SH2D2A: variants seen among roughly 807,000 people sequenced by gnomAD.
SH2D2A encodes SH2 domain-containing protein 2A.
A neutral mutation model predicts 43.6 loss-of-function variants in SH2D2A; 33 were observed. The observed-to-expected ratio is 0.76, with a 90% CI of 0.57 to 1.01. The LOEUF (loss-of-function observed/expected upper bound fraction) is 1.01, where lower values mean the gene tolerates loss of function less well. Among genes scored for constraint, SH2D2A ranks in the 50% least tolerant of loss-of-function variants. SH2D2A has a pLI of 0.00. For missense variants in SH2D2A, 491 were observed against 503.1 expected (o/e 0.98, Z 0.23); for synonymous variants, 212 against 206.1 (o/e 1.03, Z -0.25).
In SH2D2A at chr1:156,807,101, G is replaced by A. The variant is rs530344925; in HGVS notation, c.*3+74C>T. ...ATGGTTTATTCCATCCACATTTCTT[G>A]AGAAGTGTGCCAGGTGTGTGTGAAG... is the stretch of plus-strand genomic sequence containing the variant. On this transcript the variant is annotated intron_variant, in intron 8 of 8. Coordinates refer to ENST00000368199, the MANE Select transcript of SH2D2A (RefSeq NM_003975.4). This position sits in a 1 kb window ranked among gnomAD's most constrained non-coding sequence, Gnocchi z 5.1. 41 of 1,315,354 alleles carry A rather than the reference G, an allele frequency of 3.1e-5. No homozygotes were observed. The African/African-American group carries it at 4.9e-4, about 16-fold the overall frequency. 81.5% of individuals were successfully genotyped at this position (1,315,354 alleles called of 1,614,324 possible).
chr1:156,806,879 C>T (rs970762173), intron 8 of SH2D2A, among the ~76,000 whole-genome samples: 1 of 152,170 alleles, frequency 6.6e-6, no homozygotes, highest in Non-Finnish European at 1.5e-5. Flanking sequence ...CTCATCCTCC[C>T]GCTCTTACCC....
intron 2 of SH2D2A, chr1:156,815,487 T>C (rs1653811072): frequency 3.4e-6 from 2 of 592,516 alleles, no homozygotes; most frequent in African/African-American, 1.9e-5. Flanking sequence ...CACTGTGCTC[T>C]AGGAGGGGCG....
rs1653058785 is a variant in SH2D2A at position 156,807,554 on chromosome 1, C to A, written c.1003-209G>T. Reference sequence around the variant, plus strand: ...TGCTTTGGAAACAGATGGGTAAGTCCCAGCCCCTCCCTTCAGGGAACTCAC... The same window carrying A: ...TGCTTTGGAAACAGATGGGTAAGTCACAGCCCCTCCCTTCAGGGAACTCAC... On this transcript the variant is annotated intron_variant, in intron 7 of 8. Coordinates refer to ENST00000368199, the MANE Select transcript of SH2D2A (RefSeq NM_003975.4). This position sits in a 1 kb window ranked among gnomAD's most constrained non-coding sequence, Gnocchi z 5.1. Among the ~76,000 whole-genome samples, 1 of 152,146 alleles carries A rather than the reference C, an allele frequency of 6.6e-6. No individual in the cohort carries two copies. Among genetic ancestry groups the A allele is most frequent in the Non-Finnish European group, 1.5e-5 (1 of 68,040 alleles).
At position 156,807,045 on chromosome 1, in the gene SH2D2A, T is replaced by C. The variant is rs1653017039; in HGVS notation, c.*3+130A>G. 5 of 859,264 alleles carry C rather than the reference T, an allele frequency of 5.8e-6. No homozygotes were observed. The highest frequency in any genetic ancestry group is 3.1e-5 in the South Asian group (2 of 64,630). 53.2% of individuals were successfully genotyped at this position (859,264 alleles called of 1,614,324 possible). On this transcript the variant is annotated intron_variant, in intron 8 of 8. Coordinates refer to ENST00000368199, the MANE Select transcript of SH2D2A (RefSeq NM_003975.4). The surrounding 1 kb of genome is among the most constrained non-coding windows in gnomAD (Gnocchi z 5.1). ...TCTTTGCCATCCTTGCAATAGATGA[T>C]GGCTGAGCTCCTTTCCAGCTTTGAA...
Position 156,814,258 on chromosome 1 carries a change from C to G in SH2D2A, c.345G>C (p.Gly115=), listed in dbSNP as rs1239432872. 2 of 1,613,886 alleles carry G rather than the reference C, an allele frequency of 1.2e-6. No homozygotes were observed. Among genetic ancestry groups the G allele is most frequent in the Non-Finnish European group, 8.5e-7 (1 of 1,180,004 alleles). Residue 115 remains glycine, a synonymous_variant, in exon 4 of 9, where the codon GGG becomes GGC. Transcript: ENST00000368199. Reference sequence around the variant, plus strand: ...TCTCGCTGAACCGCACCAAGTAGCACCCCTGAGGCTTGGGCTCCAGCAGCC... The same window carrying G: ...TCTCGCTGAACCGCACCAAGTAGCAGCCCTGAGGCTTGGGCTCCAGCAGCC... ...AERLLEPKPQ[G]CYLVRFSESA... is the part of the protein sequence containing the mutation.
Position 156,814,001 on chromosome 1 carries a change from G to A in SH2D2A, c.414C>T (p.Cys138=). ...FVLTYRSRTC[C]RHFLLAQLRD... is the part of the protein sequence containing the mutation. ...TGAGCTGGGCCAGCAGGAAGTGGCG[G>A]CAGCAAGTCCGGCTCCTGGAGGGCG... The change falls in exon 5 of 9, where the codon TGC becomes TGT. Residue 138 remains cysteine (C), a synonymous_variant. Coordinates refer to ENST00000368199, the MANE Select transcript of SH2D2A (RefSeq NM_003975.4). 1 of 1,515,352 alleles carries A rather than the reference G, an allele frequency of 6.6e-7. No individual in the cohort carries two copies. 93.9% of individuals were successfully genotyped at this position (1,515,352 alleles called of 1,614,324 possible). A position where few individuals can be genotyped will look rare whatever the true frequency, so the allele number is the denominator to read the frequency against.
rs769812121 is a variant in SH2D2A, at chr1:156,809,272, C to A, written c.933G>T (p.Glu311Asp). 1.9e-6 allele frequency: 3 copies of A among 1,614,074 alleles called. No individual in the cohort carries two copies. The highest frequency in any genetic ancestry group is 2.5e-6 in the Non-Finnish European group (3 of 1,179,974). Reference sequence around the variant, plus strand: ...GGTGCCCAAGGGTGGCGGGTAGGCCCTCATCTTCCACTTCCACATAGATGT... The same window carrying A: ...GGTGCCCAAGGGTGGCGGGTAGGCCATCATCTTCCACTTCCACATAGATGT... ...PSNIYVEVED[E>D]GLPATLGHPV... Residue 311 changes from glutamate (E) to aspartate (D), a missense_variant, in exon 7 of 9, where the codon GAG (glutamate) becomes GAT (aspartate). Physicochemically the swap from Glu to Asp is conservative, Grantham distance 45. Transcript: ENST00000368199. The surrounding 1 kb of genome is among the most constrained non-coding windows in gnomAD (Gnocchi z 4.8).
In SH2D2A at chr1:156,809,789, G is replaced by A. The variant is rs749589807; in HGVS notation, c.586C>T (p.Leu196Phe). The change falls in exon 6 of 9, where the codon CTT becomes TTT. Residue 196 changes from leucine to phenylalanine, a missense_variant. Physicochemically the swap from Leu to Phe is conservative, Grantham distance 22. Transcript: ENST00000368199. This position sits in a 1 kb window ranked among gnomAD's most constrained non-coding sequence, Gnocchi z 4.8. ...LARQTPEPAG[L>F]SLRTEESNFG... ...TTTGATTCTTCGGTCCTCAGGGAAA[G>A]TCCTGCAGGCTCAGGAGTCTGCTGG... 1 of 1,613,840 alleles carries A rather than the reference G, an allele frequency of 6.2e-7. No homozygotes were observed. Among genetic ancestry groups the A allele is most frequent in the African/African-American group, 1.3e-5 (1 of 74,912 alleles).
At chr1:156,815,546 G>A (rs1653820543) in intron 2 of SH2D2A, 16 of 607,714 alleles carry the variant, frequency 2.6e-5, no homozygotes, top group Non-Finnish European at 4.7e-5. Context: ...CCCTGGCCTG[G>A]AGGATGAAGA....
At position 156,815,122 on chromosome 1, in the gene SH2D2A, G is replaced by A. The variant is rs762160736; in HGVS notation, c.223C>T (p.Arg75Trp). Residue 75 changes from arginine (R) to tryptophan (W), a missense_variant, in exon 3 of 9, where the codon CGG becomes TGG. Transcript: ENST00000368199. ...GCCTGGGTCTTCTGGAACCAAGCCC[G>A]GGTCTCGGCCTGCAGGAACAGGCTT... The part of the protein sequence containing the change: ...EGSLFLQAET[R>W]AWFQKTQAHW... 23 of 1,610,052 alleles carry A rather than the reference G, an allele frequency of 1.4e-5. No homozygotes were observed. Among genetic ancestry groups the A allele is most frequent in the South Asian group, 4.4e-5 (4 of 90,402 alleles).
Position 156,807,277 on chromosome 1 carries a change from C to A in SH2D2A, c.1071G>T (p.Gln357His). ...VIGQGPPLPH[Q>H]PPPAWRHTLP... ...GGGTGTGTCTCCAGGCGGGTGGGGG[C>A]TGGTGGGGCAGGGGAGGGCCTTGCC... The change falls in exon 8 of 9, where the codon CAG (glutamine) becomes CAT (histidine). Residue 357 changes from glutamine (Q) to histidine (H), a missense_variant. Transcript: ENST00000368199. The surrounding 1 kb of genome is among the most constrained non-coding windows in gnomAD (Gnocchi z 5.1). 1 of 747,452 alleles carries A rather than the reference C, an allele frequency of 1.3e-6. No individual in the cohort carries two copies. The highest frequency in any genetic ancestry group is 1.9e-6 in the Non-Finnish European group (1 of 529,884). 46.3% of individuals were successfully genotyped at this position (747,452 alleles called of 1,614,324 possible).
chr1:156,814,872 G>C (rs1653741163), intron 3 of SH2D2A, 165 bp downstream of exon 3: 1 of 530,758 alleles, frequency 1.9e-6, no homozygotes, highest in Admixed American at 3.8e-5. Context: ...AGATGCCTCA[G>C]TGAAAGGCTA....
intron 2 of SH2D2A, 114 bp from the exon 3 acceptor site, chr1:156,815,335 T>G (rs1269335880): frequency 1.0e-5 from 8 of 803,286 alleles, no homozygotes; most frequent in Non-Finnish European, 1.5e-5. Context: ...CTGTCTATTT[T>G]AGGGTACAAT....
chr1:156,813,104 G>T (rs780118741), intron 5 of SH2D2A, among the ~76,000 whole-genome samples: 2 of 152,146 alleles, frequency 1.3e-5, no homozygotes, highest in African/African-American at 2.4e-5. Flanking sequence ...CTTGTTCATG[G>T]GTCTGTTCTC....
At chr1:156,808,672 T>C (rs1653154508) in intron 7 of SH2D2A, among the ~76,000 whole-genome samples, 1 of 151,928 alleles carries the variant, frequency 6.6e-6, no homozygotes, top group Admixed American at 6.6e-5. Context: ...CAAGAAGACT[T>C]AGGGCTGGGG....
chr1:156,813,980 C>A lies in SH2D2A; in HGVS notation c.435G>T (p.Gln145His). ...GCACCACGTGGCGCCCGTCCCTGAGCTGGGCCAGCAGGAAGTGGCGGCAGC... is the reference window on the plus strand; with the variant it reads ...GCACCACGTGGCGCCCGTCCCTGAGATGGGCCAGCAGGAAGTGGCGGCAGC... ...RTCCRHFLLA[Q>H]LRDGRHVVLG... The change falls in exon 5 of 9, where the codon CAG becomes CAT. Residue 145 changes from glutamine to histidine, a missense_variant. Gln to His is a conservative substitution (Grantham distance 24). Transcript: ENST00000368199. 6.5e-7 allele frequency: 1 copy of A among 1,528,056 alleles called. No individual in the cohort carries two copies. Among genetic ancestry groups the A allele is most frequent in the South Asian group, 1.2e-5 (1 of 83,332 alleles). The allele number at this position is 1,528,056 out of a possible 1,614,324, so 94.7% of individuals were successfully genotyped here.
At chr1:156,816,145 G>C (rs992731090) in intron 1 of SH2D2A, 51 bp from the exon 2 acceptor site, 7 of 1,561,284 alleles carry the variant, frequency 4.5e-6, no homozygotes, top group Non-Finnish European at 6.1e-6. Context: ...AACTATGTCT[G>C]TCTCTGCCTC....
intron 5 of SH2D2A, among the ~76,000 whole-genome samples, chr1:156,810,859 G>A (rs1412345219): frequency 6.6e-6 from 1 of 152,148 alleles, no homozygotes; most frequent in African/African-American, 2.4e-5. Context: ...CACCTCAGGA[G>A]AGAGGAGCCC....
intron 2 of SH2D2A, 50 bp from the exon 3 acceptor site, chr1:156,815,271 C>T (rs923390868): frequency 1.5e-6 from 2 of 1,348,654 alleles, no homozygotes; most frequent in Non-Finnish European, 2.0e-6. Flanking sequence ...ATGAGTGGGC[C>T]TTCTCCTGAC....
Sources: gnomAD v4.1 joint callset for allele counts (sites outside exome capture counted in the v4.1 genomes callset) on GRCh38, gnomAD v4.1.1 for gene constraint, Gnocchi (gnomAD v3.1) non-coding constraint, MANE v1.5 for transcripts, NCBI Gene and HGNC (gene_info 2026-07-23, HGNC 2026-07-21) for gene names.